The following HIVEP3 variants were observed in gnomAD, a reference collection of about 807,000 sequenced individuals.
HIVEP3 encodes the protein HIVEP zinc finger 3.
Under a neutral mutation model 152.8 loss-of-function variants are expected in HIVEP3, and 49 were observed. The ratio of observed to expected loss-of-function variants is 0.32; its 90% CI spans 0.26 to 0.41. The LOEUF is 0.41. Among genes scored for constraint, HIVEP3 ranks in the 10% least tolerant of loss-of-function variants. The pLI is 1.00. For missense variants in HIVEP3, 2,790 were observed against 3,103.3 expected (o/e 0.90, Z 2.40); for synonymous variants, 1,269 against 1,289.0 (o/e 0.98, Z 0.33).
At chr1:41,529,955 C>G (rs1450268337) in intron 5 of HIVEP3, among the ~76,000 whole-genome samples, 1 of 132,712 alleles carries the variant, frequency 7.5e-6, no homozygotes, top group Non-Finnish European at 1.6e-5. Context: ...CACCCTAACA[C>G]GCTCACAGTC....
chr1:41,943,064 T>C (rs1645055935), intron 1 of HIVEP3, among the ~76,000 whole-genome samples: 1 of 152,106 alleles, frequency 6.6e-6, no homozygotes, highest in South Asian at 2.1e-4. Flanking sequence ...CACGCCCAGC[T>C]AATTTTTTAT....
chr1:41,874,836 C>T (rs1644141822), intron 1 of HIVEP3, among the ~76,000 whole-genome samples: 2 of 152,164 alleles, frequency 1.3e-5, no homozygotes, highest in South Asian at 2.1e-4. Context: ...GATTCTCCTC[C>T]CCAGCTACCT....
intron 1 of HIVEP3, among the ~76,000 whole-genome samples, chr1:41,896,043 T>G (rs779826046): frequency 1.3e-5 from 2 of 152,200 alleles, no homozygotes; most frequent in Non-Finnish European, 2.9e-5. Context: ...CTAATGAATA[T>G]CAATATATTT....
intron 1 of HIVEP3, among the ~76,000 whole-genome samples, chr1:41,991,023 G>A (rs1187412486): frequency 2.1e-5 from 3 of 140,358 alleles, no homozygotes; most frequent in Non-Finnish European, 3.1e-5. Flanking sequence ...GAAATTTATA[G>A]CACTAAATGC....
At chr1:41,796,997 CT>C (rs998808642) in intron 1 of HIVEP3, among the ~76,000 whole-genome samples, 46 of 152,314 alleles carry the variant, frequency 3.0e-4, no homozygotes, top group African/African-American at 1.0e-3. Flanking sequence ...CTTCCTCTCC[CT>C]TTTTTCCCTA....
At chr1:41,888,074 C>G (rs547564735) in intron 1 of HIVEP3, among the ~76,000 whole-genome samples, 1 of 142,852 alleles carries the variant, frequency 7.0e-6, no homozygotes, top group Non-Finnish European at 1.5e-5. Flanking sequence ...GAGTCTCTGT[C>G]GCCCAGGCTG....
intron 1 of HIVEP3, among the ~76,000 whole-genome samples, chr1:41,836,458 C>T (rs1050575793): frequency 6.6e-6 from 1 of 152,168 alleles, no homozygotes; most frequent in Non-Finnish European, 1.5e-5. Flanking sequence ...TCTCCTTGGG[C>T]GTCACAGGGC....
chr1:41,929,595 T>C (rs569465900), intron 1 of HIVEP3, among the ~76,000 whole-genome samples: 2 of 152,002 alleles, frequency 1.3e-5, no homozygotes, highest in African/African-American at 4.8e-5. Flanking sequence ...TCAGTGCTTT[T>C]AGTGCTACAG....
chr1:41,844,493 C>T (rs1300469304), intron 1 of HIVEP3, among the ~76,000 whole-genome samples: 3 of 152,202 alleles, frequency 2.0e-5, no homozygotes, highest in East Asian at 1.9e-4. Flanking sequence ...CATCCGATGC[C>T]GCTTCTTACC....
chr1:41,633,757 A>G (rs533467559), intron 2 of HIVEP3, among the ~76,000 whole-genome samples: 1 of 152,164 alleles, frequency 6.6e-6, no homozygotes, highest in South Asian at 2.1e-4. Flanking sequence ...AAGCCCCCAC[A>G]TTGACACACC....
intron 1 of HIVEP3, among the ~76,000 whole-genome samples, chr1:41,971,827 A>T (rs1345218302): frequency 6.6e-6 from 1 of 152,182 alleles, no homozygotes; most frequent in African/African-American, 2.4e-5. Flanking sequence ...GTGATAGACC[A>T]TGACAGCTCT....
chr1:41,728,472 C>A (rs1646790540), intron 1 of HIVEP3, among the ~76,000 whole-genome samples: 1 of 148,760 alleles, frequency 6.7e-6, no homozygotes, highest in African/African-American at 2.5e-5. Flanking sequence ...GGCGACAGAG[C>A]AGGGGGAGTA....
At chr1:41,739,746 C>T (rs545384527) in intron 1 of HIVEP3, among the ~76,000 whole-genome samples, 1 of 152,348 alleles carries the variant, frequency 6.6e-6, no homozygotes, top group Non-Finnish European at 1.5e-5. Context: ...GCAGGGTAAT[C>T]ATGCCCACTT....
intron 1 of HIVEP3, among the ~76,000 whole-genome samples, chr1:41,915,267 T>C (rs1209723530): frequency 6.6e-6 from 1 of 152,220 alleles, no homozygotes; most frequent in African/African-American, 2.4e-5. Context: ...TAAAACAGAG[T>C]ACCAAAGATC....
Position 41,607,318 on chromosome 1 carries a change from A to G in HIVEP3, c.-522+21431T>C, listed in dbSNP as rs191641018. On this transcript the variant is annotated intron_variant, in intron 3 of 8. Transcript: ENST00000372583. ...CTTTCTGGGAGGTTTTCTTGGTTTTAACATTGAAATGACCAATCTGGTCTT... is the reference window on the plus strand; with the variant it reads ...CTTTCTGGGAGGTTTTCTTGGTTTTGACATTGAAATGACCAATCTGGTCTT... 1.9e-3 allele frequency among the ~76,000 whole-genome samples: 290 copies of G among 152,314 alleles called. 1 individual carries two copies. Among genetic ancestry groups the G allele is most frequent in the African/African-American group, 6.5e-3 (271 of 41,564 alleles).
chr1:41,519,373 A>G (rs558792894), intron 6 of HIVEP3, among the ~76,000 whole-genome samples: 1 of 152,308 alleles, frequency 6.6e-6, no homozygotes, highest in South Asian at 2.1e-4. Context: ...GTTCCCCAAC[A>G]GGTGCACAAC....
intron 1 of HIVEP3, among the ~76,000 whole-genome samples, chr1:41,766,881 C>T (rs1648044452): frequency 6.6e-6 from 1 of 152,232 alleles, no homozygotes. Flanking sequence ...CAGAGCTCCC[C>T]ATCTGTCTGG....
chr1:41,600,361 T>C (rs1644727904), intron 3 of HIVEP3, among the ~76,000 whole-genome samples: 1 of 152,244 alleles, frequency 6.6e-6, no homozygotes, highest in Non-Finnish European at 1.5e-5. Flanking sequence ...ATTCATGTTG[T>C]AGCATGTGTC....
chr1:41,958,677 A>G, intron 1 of HIVEP3, among the ~76,000 whole-genome samples: 1 of 152,120 alleles, frequency 6.6e-6, no homozygotes, highest in Non-Finnish European at 1.5e-5. Context: ...AAAAGGAAAA[A>G]TCCCAAGGCT....
Sources: allele counts gnomAD v4.1 joint callset (sites outside exome capture counted in the v4.1 genomes callset), GRCh38; gene constraint gnomAD v4.1.1; transcripts MANE v1.5; gene names NCBI Gene and HGNC (gene_info 2026-07-23, HGNC 2026-07-21).